The following FBXO31 variants were observed in gnomAD, a reference collection of about 807,000 sequenced individuals.
FBXO31 encodes F-box only protein 31.
Under a neutral mutation model 54.4 loss-of-function variants are expected in FBXO31, and 24 were observed. The ratio of observed to expected loss-of-function variants is 0.44; its 90% CI spans 0.32 to 0.62. FBXO31 has a LOEUF of 0.62. FBXO31 is among the 20% of genes least tolerant of loss of function. FBXO31 has a pLI of 0.05. For synonymous variants in FBXO31, 388 were observed against 335.6 expected (o/e 1.16, Z -1.71); for missense variants, 665 against 787.1 (o/e 0.84, Z 1.86).
In FBXO31 at chr16:87,383,775, G is replaced by GT. The variant is rs1907199977; in HGVS notation, c.-32dup. The GT allele has an allele frequency of 8.5e-7, 1 of 1,181,212 alleles. No homozygotes were observed. The highest frequency in any genetic ancestry group is 1.6e-5 in the African/African-American group (1 of 62,040). The allele number at this position is 1,181,212 out of a possible 1,614,324, so 73.2% of individuals were successfully genotyped here. On this transcript the variant is annotated 5_prime_UTR_variant, in exon 1 of 9. Coordinates refer to ENST00000311635, the MANE Select transcript of FBXO31 (RefSeq NM_024735.5). The surrounding 1 kb of genome is among the most constrained non-coding windows in gnomAD (Gnocchi z 4.9). ...CCAGTGACGGCCACTGCTGCCGCCTGTGCGCACGCTCCAGCGCGGCCCCGC... is the reference window on the plus strand; with the variant it reads ...CCAGTGACGGCCACTGCTGCCGCCTGTTGCGCACGCTCCAGCGCGGCCCCGC...
intron 5 of FBXO31, among the ~76,000 whole-genome samples, chr16:87,342,328 T>G (rs1905220066): frequency 6.6e-6 from 1 of 152,210 alleles, no homozygotes; most frequent in South Asian, 2.1e-4. Flanking sequence ...GAGCTGGGAA[T>G]ACAGGTGTGA....
intron 1 of FBXO31, among the ~76,000 whole-genome samples, chr16:87,381,653 A>C (rs1388792347): frequency 4.6e-5 from 7 of 152,246 alleles, no homozygotes; most frequent in Non-Finnish European, 1.0e-4. Context: ...CTTGGGGTGC[A>C]AACTCAAAGA....
rs1032015517 is a variant in FBXO31, at chr16:87,335,162, C to G, written c.996+142G>C. 8.2e-7 allele frequency: 1 copy of G among 1,216,426 alleles called. No individual in the cohort carries two copies. Among genetic ancestry groups the G allele is most frequent in the Admixed American group, 1.9e-5 (1 of 52,076 alleles). 75.4% of individuals were successfully genotyped at this position (1,216,426 alleles called of 1,614,324 possible). On this transcript the variant is annotated intron_variant, in intron 7 of 8. Transcript: ENST00000311635. This position sits in a 1 kb window ranked among gnomAD's most constrained non-coding sequence, Gnocchi z 5.7. ...GCTGGGGCCCGAGAATCTGCTTTCC[C>G]AAGCTCCCGGGGCTGCAGGTGCAAG...
At position 87,345,848 on chromosome 16, in the gene FBXO31, G is replaced by C. The variant is rs953124415; in HGVS notation, c.489+1326C>G. On this transcript the variant is annotated intron_variant, in intron 3 of 8. Coordinates refer to ENST00000311635, the MANE Select transcript of FBXO31 (RefSeq NM_024735.5). The surrounding 1 kb of genome is among the most constrained non-coding windows in gnomAD (Gnocchi z 4.9). Reference sequence around the variant, plus strand: ...GGAAGGCCCATGTCTGGCACCTGCAGGCTGGAGAGGCACACACGGAGACCA... The same window carrying C: ...GGAAGGCCCATGTCTGGCACCTGCACGCTGGAGAGGCACACACGGAGACCA... Among the ~76,000 whole-genome samples the C allele has an allele frequency of 3.3e-5, 5 of 152,250 alleles. No individual in the cohort carries two copies. Among genetic ancestry groups the C allele is most frequent in the African/African-American group, 1.2e-4 (5 of 41,558 alleles).
At chr16:87,343,481 C>T in intron 4 of FBXO31, 117 bp downstream of exon 4, 3 of 1,284,308 alleles carry the variant, frequency 2.3e-6, no homozygotes, top group Non-Finnish European at 3.2e-6. Context: ...GCCTCCCTCC[C>T]ACCCGCCGAT....
At chr16:87,373,407 G>A (rs572250656) in intron 1 of FBXO31, among the ~76,000 whole-genome samples, 30 of 152,156 alleles carry the variant, frequency 2.0e-4, no homozygotes, top group East Asian at 5.8e-4. Flanking sequence ...AGCCGAGATC[G>A]CGCCACTGCA....
At chr16:87,352,218 TTC>T (rs1905693406) in intron 2 of FBXO31, among the ~76,000 whole-genome samples, 1 of 152,138 alleles carries the variant, frequency 6.6e-6, no homozygotes, top group Admixed American at 6.5e-5. Context: ...AAATAAACAC[TTC>T]TCTGACAATC....
At chr16:87,391,699 C>G (rs1907560135), upstream of FBXO31, 1 of 152,342 alleles carries the variant, frequency 6.6e-6, no homozygotes, top group South Asian at 2.1e-4. Flanking sequence ...CGCGCCAAGG[C>G]TGGGCGTCGA....
chr16:87,376,248 T>C (rs764734166), intron 1 of FBXO31, among the ~76,000 whole-genome samples: 6 of 151,978 alleles, frequency 3.9e-5, no homozygotes, highest in Admixed American at 1.3e-4. Flanking sequence ...CTCTCTGTTG[T>C]GGGAAACTCA....
Position 87,346,092 on chromosome 16 carries a change from TGGG to T in FBXO31, c.489+1079_489+1081del, listed in dbSNP as rs1321902207. ...GAAGAGAAAAGGAGGAATCAGGGCC[TGGG>T]GATAGAGTCACGGACGGCCTCCGGC... On this transcript the variant is annotated intron_variant, in intron 3 of 8. Coordinates refer to ENST00000311635, the MANE Select transcript of FBXO31 (RefSeq NM_024735.5). This position sits in a 1 kb window ranked among gnomAD's most constrained non-coding sequence, Gnocchi z 4.2. 6.6e-6 allele frequency among the ~76,000 whole-genome samples: 1 copy of T among 152,030 alleles called. No individual in the cohort carries two copies. The highest frequency in any genetic ancestry group is 1.5e-5 in the Non-Finnish European group (1 of 68,006).
chr16:87,362,913 A>T (rs1906198665), intron 1 of FBXO31, among the ~76,000 whole-genome samples: 1 of 152,044 alleles, frequency 6.6e-6, no homozygotes, highest in South Asian at 2.1e-4. Context: ...GGAGTCAGGG[A>T]CCCCTGTCTT....
intron 2 of FBXO31, among the ~76,000 whole-genome samples, chr16:87,349,034 T>A (rs947489089): frequency 1.3e-5 from 2 of 152,138 alleles, no homozygotes; most frequent in Admixed American, 1.3e-4. Flanking sequence ...ACAGGAAACA[T>A]TCATACATGG....
At chr16:87,365,037 A>ATATATATATATATATATATC (rs1489132121) in intron 1 of FBXO31, among the ~76,000 whole-genome samples, 3 of 106,872 alleles carry the variant, frequency 2.8e-5, no homozygotes, top group African/African-American at 1.1e-4. Context: ...ATATATATAT[A>ATATATATATATATATATATC]TATCAGGCAG....
At chr16:87,334,412 C>G in intron 7 of FBXO31, 126 bp from the exon 8 acceptor site, 1 of 816,790 alleles carries the variant, frequency 1.2e-6, no homozygotes, top group Non-Finnish European at 1.9e-6. Context: ...GACTTAGCAA[C>G]GTCCCTTACA....
intron 2 of FBXO31, among the ~76,000 whole-genome samples, chr16:87,350,520 T>C (rs1355309602): frequency 1.3e-5 from 2 of 152,168 alleles, no homozygotes; most frequent in Non-Finnish European, 2.9e-5. Flanking sequence ...AAACACACAC[T>C]GATCTTGACA....
rs1904679765 is a variant in FBXO31, at chr16:87,327,296, G to A, written c.*3992C>T. Reference sequence around the variant, plus strand: ...GGTCAGCAGCCCCTGAGGGCCGGCAGGCAGGCCACTGAGCTGTGGGTGACA... The same window carrying A: ...GGTCAGCAGCCCCTGAGGGCCGGCAAGCAGGCCACTGAGCTGTGGGTGACA... On this transcript the variant is annotated 3_prime_UTR_variant, in exon 9 of 9. Transcript: ENST00000311635. 6.6e-6 allele frequency: 1 copy of A among 152,658 alleles called. No homozygotes were observed. Among genetic ancestry groups the A allele is most frequent in the African/African-American group, 2.4e-5 (1 of 41,480 alleles). 9.5% of individuals were successfully genotyped at this position (152,658 alleles called of 1,614,324 possible).
At chr16:87,344,246 G>A (rs991643029) in intron 3 of FBXO31, among the ~76,000 whole-genome samples, 3 of 152,240 alleles carry the variant, frequency 2.0e-5, no homozygotes, top group South Asian at 2.1e-4. Context: ...CCGGAGGGAC[G>A]GACAGCTGAA....
upstream of FBXO31, among the ~76,000 whole-genome samples, chr16:87,391,249 G>A (rs1907534325): frequency 1.3e-5 from 2 of 152,122 alleles, no homozygotes; most frequent in Non-Finnish European, 2.9e-5. Context: ...CGAGGCCGCC[G>A]CGAGCTATGA....
rs9308348 is a variant in FBXO31, at chr16:87,338,335, G to A, written c.733-2071C>T. The stretch of plus-strand genomic sequence containing the variant: ...TCAACACATTGTACTCGCGACCCTC[G>A]TGGCAGCGCCGGCAGAGGGGGCTGA... On this transcript the variant is annotated intron_variant, in intron 5 of 8. Coordinates refer to ENST00000311635, the MANE Select transcript of FBXO31 (RefSeq NM_024735.5). This position sits in a 1 kb window ranked among gnomAD's most constrained non-coding sequence, Gnocchi z 4.3. Among the ~76,000 whole-genome samples the A allele has an allele frequency of 0.44, 67,398 of 151,924 alleles. 16,097 individuals carry two copies. The highest frequency in any genetic ancestry group is 0.58 in the African/African-American group (23,998 of 41,396).
Sources: allele counts gnomAD v4.1 joint callset (sites outside exome capture counted in the v4.1 genomes callset), GRCh38; gene constraint gnomAD v4.1.1; non-coding constraint Gnocchi (gnomAD v3.1); transcripts MANE v1.5; gene names NCBI Gene and HGNC (gene_info 2026-07-23, HGNC 2026-07-21).